COX7B2: variants seen among roughly 807,000 people sequenced by gnomAD.
COX7B2 encodes cytochrome c oxidase subunit 7B2, mitochondrial.
For synonymous variants in COX7B2, 37 were observed against 32.1 expected (o/e 1.15, Z -0.51); for missense variants, 109 against 95.9 (o/e 1.14, Z -0.57).
chr4:46,763,788 G>T (rs1270458016), intron 2 of COX7B2, among the ~76,000 whole-genome samples: 1 of 152,012 alleles, frequency 6.6e-6, no homozygotes, highest in Non-Finnish European at 1.5e-5. Context: ...CATAAACACA[G>T]ATGTATATAT....
intron 1 of COX7B2, among the ~76,000 whole-genome samples, chr4:46,876,363 C>CCT (rs1366386350): frequency 6.6e-6 from 1 of 150,720 alleles, no homozygotes; most frequent in African/African-American, 2.4e-5. Flanking sequence ...GAAGAATGAT[C>CCT]CTCTGATTTT....
intron 2 of COX7B2, among the ~76,000 whole-genome samples, chr4:46,817,135 A>G (rs142538959): frequency 6.6e-6 from 1 of 152,352 alleles, no homozygotes; most frequent in Non-Finnish European, 1.5e-5. Flanking sequence ...TTCAAGCTAA[A>G]TGGTTAACTG....
intron 2 of COX7B2, among the ~76,000 whole-genome samples, chr4:46,774,398 A>T (rs921152335): frequency 6.6e-6 from 1 of 151,856 alleles, no homozygotes; most frequent in African/African-American, 2.4e-5. Context: ...ACATTTTGCT[A>T]CAGTGCTTTA....
At chr4:46,854,552 A>G (rs1390855917) in intron 1 of COX7B2, among the ~76,000 whole-genome samples, 1 of 152,238 alleles carries the variant, frequency 6.6e-6, no homozygotes, top group Non-Finnish European at 1.5e-5. Flanking sequence ...CTGTAAATCC[A>G]TAAGGCTAGT....
At chr4:46,767,436 A>C (rs1308056787) in intron 2 of COX7B2, among the ~76,000 whole-genome samples, 3 of 152,206 alleles carry the variant, frequency 2.0e-5, no homozygotes, top group African/African-American at 7.2e-5. Context: ...CACTTTCAAC[A>C]ATGGATCATC....
chr4:46,864,218 C>A (rs1717504388), intron 1 of COX7B2, among the ~76,000 whole-genome samples: 1 of 152,182 alleles, frequency 6.6e-6, no homozygotes, highest in Admixed American at 6.5e-5. Context: ...ATCCCCACTG[C>A]CATTAAGCTT....
At chr4:46,793,085 C>T (rs926421044) in intron 2 of COX7B2, among the ~76,000 whole-genome samples, 2 of 152,114 alleles carry the variant, frequency 1.3e-5, no homozygotes, top group East Asian at 1.9e-4. Flanking sequence ...CGCTCCTGGC[C>T]GACTGTGGTC....
intron 1 of COX7B2, among the ~76,000 whole-genome samples, chr4:46,880,271 A>C (rs1718623483): frequency 6.6e-6 from 1 of 152,186 alleles, no homozygotes; most frequent in African/African-American, 2.4e-5. Context: ...TTTGATACCA[A>C]GATGATGCTG....
intron 2 of COX7B2, among the ~76,000 whole-genome samples, chr4:46,814,493 A>G (rs539038786): frequency 2.6e-5 from 4 of 152,322 alleles, no homozygotes; most frequent in African/African-American, 9.6e-5. Context: ...AAACTATACA[A>G]CATTTATAGC....
intron 2 of COX7B2, among the ~76,000 whole-genome samples, chr4:46,785,839 C>T (rs2109568065): frequency 6.6e-6 from 1 of 152,034 alleles, no homozygotes; most frequent in Middle Eastern, 3.4e-3. Flanking sequence ...GAAACATGGC[C>T]TCTCCATCCA....
At chr4:46,844,147 A>G (rs1260894300) in intron 2 of COX7B2, among the ~76,000 whole-genome samples, 2 of 152,126 alleles carry the variant, frequency 1.3e-5, no homozygotes, top group East Asian at 3.9e-4. Context: ...GAACTTACCA[A>G]AAAGAAATTG....
chr4:46,872,004 A>G (rs1184631845), intron 1 of COX7B2, among the ~76,000 whole-genome samples: 1 of 152,218 alleles, frequency 6.6e-6, no homozygotes, highest in Admixed American at 6.5e-5. Context: ...ACAGTCTACC[A>G]TAAAGACACA....
At chr4:46,736,896 G>A (rs555304444) in intron 2 of COX7B2, among the ~76,000 whole-genome samples, 3 of 152,224 alleles carry the variant, frequency 2.0e-5, no homozygotes, top group Non-Finnish European at 2.9e-5. Flanking sequence ...CAATTAGTAC[G>A]AATACAACTG....
chr4:46,864,927 A>G (rs1326766403), intron 1 of COX7B2, among the ~76,000 whole-genome samples: 3 of 152,134 alleles, frequency 2.0e-5, no homozygotes, highest in Non-Finnish European at 4.4e-5. Flanking sequence ...TACAGGCGTA[A>G]GGCACCGCAC....
chr4:46,902,193 G>A (rs1164557957), intron 1 of COX7B2, among the ~76,000 whole-genome samples: 1 of 152,150 alleles, frequency 6.6e-6, no homozygotes. Flanking sequence ...TAAAATGGAA[G>A]AGCAGAGCAA....
At chr4:46,750,641 T>G (rs988220045) in intron 2 of COX7B2, among the ~76,000 whole-genome samples, 2 of 152,198 alleles carry the variant, frequency 1.3e-5, no homozygotes, top group African/African-American at 4.8e-5. Flanking sequence ...ACTTCTTCAG[T>G]CTGCCTAGGC....
At chr4:46,816,309 G>A (rs1719548614) in intron 2 of COX7B2, among the ~76,000 whole-genome samples, 1 of 152,036 alleles carries the variant, frequency 6.6e-6, no homozygotes. Flanking sequence ...CTGGCCTCTA[G>A]TTATGTTATT....
At chr4:46,807,675 G>T (rs1041397830) in intron 2 of COX7B2, among the ~76,000 whole-genome samples, 3 of 151,778 alleles carry the variant, frequency 2.0e-5, no homozygotes, top group African/African-American at 7.3e-5. Context: ...TCCATTTTGG[G>T]TTGACTTTTT....
chr4:46,795,501 G>C (rs200040668), intron 2 of COX7B2, among the ~76,000 whole-genome samples: 6 of 142,538 alleles, frequency 4.2e-5, no homozygotes, highest in Admixed American at 1.4e-4. Flanking sequence ...TCAAAGATCA[G>C]ATAGTTGTAG....
Sources: gnomAD v4.1 joint callset for allele counts (sites outside exome capture counted in the v4.1 genomes callset) on GRCh38, gnomAD v4.1.1 for gene constraint, MANE v1.5 for transcripts, NCBI Gene and HGNC (gene_info 2026-07-23, HGNC 2026-07-21) for gene names.